The following RNF213 variants were observed in gnomAD, a reference collection of about 807,000 sequenced individuals.
The protein encoded by RNF213 is E3 ubiquitin-protein ligase RNF213.
RNF213 carries 341 observed loss-of-function variants against 514.4 expected under a neutral mutation model. That is an observed-to-expected ratio of 0.66 (90% CI 0.61 to 0.73). The LOEUF is 0.73. Among genes scored for constraint, RNF213 ranks in the 30% least tolerant of loss-of-function variants. RNF213 has a pLI of 0.00. For synonymous variants in RNF213, 2,655 were observed against 2,658.2 expected (o/e 1.00, Z 0.04); for missense variants, 5,767 against 6,615.6 (o/e 0.87, Z 4.45).
At chr17:80,327,093 C>T (rs1423881267) in intron 18 of RNF213, among the ~76,000 whole-genome samples, 1 of 152,184 alleles carries the variant, frequency 6.6e-6, no homozygotes, top group East Asian at 1.9e-4. Context: ...TCCCTAAGAC[C>T]ATCCTGATAG....
At chr17:80,374,874 T>A in intron 50 of RNF213, 1 of 435,894 alleles carries the variant, frequency 2.3e-6, no homozygotes, top group South Asian at 2.2e-5. Flanking sequence ...TTTATGCCCA[T>A]TACTTCCTTT....
chr17:80,352,457 T>C, intron 32 of RNF213: 4 of 405,080 alleles, frequency 9.9e-6, no homozygotes, highest in African/African-American at 4.0e-5. Context: ...GGAGGGAGAG[T>C]GGCGGGGGTC....
intron 13 of RNF213, 142 bp downstream of exon 13, chr17:80,307,343 G>T (rs944746100): frequency 1.7e-5 from 10 of 577,370 alleles, no homozygotes; most frequent in African/African-American, 4.3e-5. Context: ...CTCTTCTCAG[G>T]TTATTAATAT....
intron 22 of RNF213, 94 bp downstream of exon 22, chr17:80,334,364 C>A: frequency 7.4e-6 from 10 of 1,354,150 alleles, no homozygotes; most frequent in Non-Finnish European, 9.8e-6. Flanking sequence ...AATACCTCCC[C>A]TTGGCCAAGG....
intron 48 of RNF213, 86 bp downstream of exon 48, chr17:80,372,820 A>G (rs2079569350): frequency 2.8e-6 from 4 of 1,426,998 alleles, no homozygotes; most frequent in African/African-American, 1.4e-5. Context: ...AGTTCTTCGA[A>G]TAGACTACTA....
rs553073077 is a variant in RNF213, at chr17:80,333,215, A to G, written c.4143+584A>G. Among the ~76,000 whole-genome samples the G allele has an allele frequency of 1.6e-4, 19 of 116,362 alleles. No individual in the cohort carries two copies. In the East Asian group the frequency reaches 4.1e-3, roughly 25 times the overall value. 76.3% of individuals were successfully genotyped at this position (116,362 alleles called of 152,430 possible). A position where few individuals can be genotyped will look rare whatever the true frequency, so the allele number is the denominator to read the frequency against. On this transcript the variant is annotated intron_variant, in intron 21 of 67. Coordinates refer to ENST00000582970, the MANE Select transcript of RNF213 (RefSeq NM_001256071.3). ...AGGTGCCCGCAACCACGCCCGGCTA[A>G]TTTTTTTGGTATTTTTTTTTTTTTT...
At chr17:80,372,801 T>C (rs2079568314) in intron 48 of RNF213, 67 bp downstream of exon 48, 22 of 1,521,590 alleles carry the variant, frequency 1.4e-5, no homozygotes, top group Non-Finnish European at 1.9e-5. Flanking sequence ...TCAGGAAGTA[T>C]GGGAAACTAG....
intron 11 of RNF213, among the ~76,000 whole-genome samples, 160 bp from the exon 12 acceptor site, chr17:80,306,092 G>A (rs929212306): frequency 1.3e-5 from 2 of 152,092 alleles, no homozygotes; most frequent in Middle Eastern, 3.2e-3. Context: ...AGCCTCCCAA[G>A]TATTGGGATT....
intron 14 of RNF213, among the ~76,000 whole-genome samples, chr17:80,312,512 G>A (rs896137575): frequency 4.3e-5 from 6 of 138,516 alleles, no homozygotes; most frequent in African/African-American, 1.6e-4. Context: ...AGGGGACCCA[G>A]GTTTACCTCC....
chr17:80,372,129 C>A, intron 47 of RNF213, 144 bp downstream of exon 47: 1 of 679,864 alleles, frequency 1.5e-6, no homozygotes, highest in Non-Finnish European at 2.6e-6. Flanking sequence ...AAAGACGCGG[C>A]TTCTGCCTTC....
chr17:80,368,202 C>A, intron 44 of RNF213, 59 bp downstream of exon 44: 1 of 1,556,568 alleles, frequency 6.4e-7, no homozygotes. Context: ...TTTTGGCAAA[C>A]ACAATATTCA....
intron 51 of RNF213, 21 bp from the exon 52 acceptor site, chr17:80,376,278 ATG>A: frequency 6.2e-7 from 1 of 1,613,708 alleles, no homozygotes; most frequent in Admixed American, 1.7e-5. Context: ...ATACATCTTA[ATG>A]TTAAGTTTTT....
intron 32 of RNF213, chr17:80,352,382 C>T (rs370395445): frequency 4.8e-5 from 13 of 268,758 alleles, no homozygotes; most frequent in Admixed American, 2.9e-4. Context: ...GTAGGTCACA[C>T]GGCGTGGAGA....
intron 39 of RNF213, among the ~76,000 whole-genome samples, chr17:80,362,262 A>C (rs1184008520): frequency 6.6e-6 from 1 of 152,250 alleles, no homozygotes; most frequent in Non-Finnish European, 1.5e-5. Context: ...ACTTTTGACT[A>C]CCTAAAAATT....
intron 49 of RNF213, among the ~76,000 whole-genome samples, chr17:80,373,657 G>A (rs2079615526): frequency 6.6e-6 from 1 of 152,158 alleles, no homozygotes; most frequent in Non-Finnish European, 1.5e-5. Flanking sequence ...CTGGCAGGCA[G>A]AGACAGGCAA....
Position 80,374,588 on chromosome 17 carries a change from A to T in RNF213, c.13073A>T (p.Lys4358Met), listed in dbSNP as rs759901778. ...CKPLGIKTAL[K>M]ACKTPQSQQS... is the part of the protein sequence containing the mutation. Reference sequence around the variant, plus strand: ...CCACTGGGCATTAAGACTGCTCTGAAGGTAGGATGGGCCCGTGGCTTCTCT... The same window carrying T: ...CCACTGGGCATTAAGACTGCTCTGATGGTAGGATGGGCCCGTGGCTTCTCT... Residue 4358 changes from lysine to methionine, a missense_variant and splice_region_variant, in exon 50 of 68, where the codon AAG becomes ATG. Physicochemically the swap from Lys to Met is moderately conservative, Grantham distance 95. Transcript: ENST00000582970. 1 of 1,614,054 alleles carries T rather than the reference A, an allele frequency of 6.2e-7. No individual in the cohort carries two copies. Among genetic ancestry groups the T allele is most frequent in the Admixed American group, 1.7e-5 (1 of 60,026 alleles).
chr17:80,309,916 T>A (rs889105846), intron 14 of RNF213, among the ~76,000 whole-genome samples: 1 of 151,668 alleles, frequency 6.6e-6, no homozygotes, highest in East Asian at 2.0e-4. Context: ...CCACCACGCC[T>A]GGCTAATTTT....
intron 57 of RNF213, chr17:80,382,669 C>A (rs372084531): frequency 5.7e-6 from 2 of 353,896 alleles, no homozygotes; most frequent in East Asian, 1.6e-4. Context: ...GCAGCTGAGA[C>A]GGCTGGCGGT....
chr17:80,366,122 G>C (rs1001537499), intron 42 of RNF213, among the ~76,000 whole-genome samples: 1 of 152,254 alleles, frequency 6.6e-6, no homozygotes, highest in Non-Finnish European at 1.5e-5. Flanking sequence ...TTTGAAACAA[G>C]AGGCTTGGGG....
Sources: allele counts gnomAD v4.1 joint callset (sites outside exome capture counted in the v4.1 genomes callset), GRCh38; gene constraint gnomAD v4.1.1; transcripts MANE v1.5; gene names NCBI Gene and HGNC (gene_info 2026-07-23, HGNC 2026-07-21).